The following SEMA3A variants were observed in gnomAD, a reference collection of about 807,000 sequenced individuals.
The protein encoded by SEMA3A is semaphorin 3A.
SEMA3A carries 29 observed loss-of-function variants against 97.9 expected under a neutral mutation model. The ratio of observed to expected loss-of-function variants is 0.30; its 90% CI spans 0.22 to 0.40. The LOEUF is 0.40. Among genes scored for constraint, SEMA3A ranks in the 10% least tolerant of loss-of-function variants. The probability of loss-of-function intolerance (pLI) is 1.00; values close to 1 mark genes in which losing one functional copy is unlikely to be tolerated. For synonymous variants in SEMA3A, 321 were observed against 323.7 expected, an observed-to-expected ratio of 0.99 and a Z score of 0.09; for missense variants, 763 against 951.3, an observed-to-expected ratio of 0.80 and a Z score of 2.60.
At chr7:84,013,676 G>A (rs1422585407) in intron 7 of SEMA3A, among the ~76,000 whole-genome samples, 6 of 151,914 alleles carry the variant, frequency 3.9e-5, no homozygotes, top group Non-Finnish European at 5.9e-5. Flanking sequence ...ATGAAACCCC[G>A]TCTCTACTAA....
At chr7:84,469,939 A>G (rs1379821206) in intron 1 of SEMA3A, among the ~76,000 whole-genome samples, 1 of 151,828 alleles carries the variant, frequency 6.6e-6, no homozygotes, top group Non-Finnish European at 1.5e-5. Flanking sequence ...AACACTTAAT[A>G]AAATATGAAA....
At chr7:84,288,250 T>A (rs1705066137) in intron 3 of SEMA3A, among the ~76,000 whole-genome samples, 1 of 152,182 alleles carries the variant, frequency 6.6e-6, no homozygotes, top group African/African-American at 2.4e-5. Flanking sequence ...CATGCCCAGC[T>A]AATCTTTAAA....
chr7:84,201,637 G>A (rs1798360790), intron 3 of SEMA3A, among the ~76,000 whole-genome samples: 1 of 151,940 alleles, frequency 6.6e-6, no homozygotes, highest in Admixed American at 6.6e-5. Context: ...TTTTATTATT[G>A]ACAATAATGT....
At chr7:84,327,346 A>C in intron 2 of SEMA3A, among the ~76,000 whole-genome samples, 1 of 151,836 alleles carries the variant, frequency 6.6e-6, no homozygotes, top group East Asian at 1.9e-4. Flanking sequence ...ATGTAAAATA[A>C]AGTAGTCATG....
At chr7:84,024,678 C>T (rs67536627) in intron 6 of SEMA3A, among the ~76,000 whole-genome samples, 14,970 of 152,244 alleles carry the variant, frequency 0.098, 1,055 homozygotes, top group African/African-American at 0.19. Flanking sequence ...ATACATCTAT[C>T]TATCTGCCAA....
At chr7:84,343,204 G>A (rs1802215537) in intron 2 of SEMA3A, among the ~76,000 whole-genome samples, 1 of 152,096 alleles carries the variant, frequency 6.6e-6, no homozygotes, top group Non-Finnish European at 1.5e-5. Context: ...TGACCATCAG[G>A]TTATAATTAC....
At chr7:84,279,638 T>C (rs1455254405) in intron 3 of SEMA3A, among the ~76,000 whole-genome samples, 1 of 152,200 alleles carries the variant, frequency 6.6e-6, no homozygotes, top group Non-Finnish European at 1.5e-5. Flanking sequence ...TTCGTTTTAC[T>C]ACTGCAATTT....
intron 4 of SEMA3A, among the ~76,000 whole-genome samples, chr7:84,062,683 C>T (rs1793283829): frequency 6.6e-6 from 1 of 152,234 alleles, no homozygotes; most frequent in South Asian, 2.1e-4. Context: ...AATCCGGTCA[C>T]TCCCACCCGA....
chr7:84,430,592 G>A (rs756231074), intron 1 of SEMA3A, among the ~76,000 whole-genome samples: 1 of 151,900 alleles, frequency 6.6e-6, no homozygotes, highest in Non-Finnish European at 1.5e-5. Flanking sequence ...TGAAAAATAG[G>A]TAAAAATTGT....
In SEMA3A at chr7:83,990,876, G is replaced by T. The variant is rs752399237; in HGVS notation, c.1453-5399C>A. Among the ~76,000 whole-genome samples the T allele has an allele frequency of 1.4e-3, 217 of 151,722 alleles. No individual in the cohort carries two copies. The Middle Eastern group carries it at 0.024, about 17-fold the overall frequency. On this transcript the variant is annotated intron_variant, in intron 12 of 16. Coordinates refer to ENST00000265362, the MANE Select transcript of SEMA3A (RefSeq NM_006080.3). ...TGAAGAAAGGCATTGGTAGCTTGATGGGGATGGCATTGAATCTGTAAATTA... is the reference window on the plus strand; with the variant it reads ...TGAAGAAAGGCATTGGTAGCTTGATTGGGATGGCATTGAATCTGTAAATTA...
At chr7:84,146,053 T>C (rs1040995626) in intron 1 of SEMA3A, among the ~76,000 whole-genome samples, 5 of 152,214 alleles carry the variant, frequency 3.3e-5, no homozygotes, top group Non-Finnish European at 5.9e-5. Context: ...AGTTAGAAGC[T>C]ATCTCTCCCA....
chr7:84,402,480 A>G lies in SEMA3A; in HGVS notation c.-245-30580T>C, dbSNP rs142704940. Among the ~76,000 whole-genome samples the G allele has an allele frequency of 1.4e-4, 21 of 152,296 alleles. No homozygotes were observed. In the East Asian group the frequency reaches 4.1e-3, roughly 29 times the overall value. Reference sequence around the variant, plus strand: ...AATTAGAACTACCATATAATTCATGAATCCCCCAGCTGGGTATGTATCCCA... The same window carrying G: ...AATTAGAACTACCATATAATTCATGGATCCCCCAGCTGGGTATGTATCCCA... On this transcript the variant is annotated intron_variant, in intron 1 of 3. Transcript: ENST00000424555.
chr7:84,111,640 A>T (rs1014295332), intron 3 of SEMA3A, among the ~76,000 whole-genome samples: 1 of 152,174 alleles, frequency 6.6e-6, no homozygotes, highest in East Asian at 1.9e-4. Context: ...TGGCCTATTT[A>T]AAATAAAATG....
At chr7:84,198,855 T>G, upstream of SEMA3A, among the ~76,000 whole-genome samples, 1 of 152,188 alleles carries the variant, frequency 6.6e-6, no homozygotes, top group Non-Finnish European at 1.5e-5. Context: ...GTGCTTGATT[T>G]TCTAGAGGAT....
intron 1 of SEMA3A, among the ~76,000 whole-genome samples, chr7:84,482,991 A>G (rs970328699): frequency 5.3e-5 from 8 of 151,588 alleles, no homozygotes; most frequent in African/African-American, 1.7e-4. Context: ...TTGTAGGTGT[A>G]GTTTTTAAAG....
intron 1 of SEMA3A, among the ~76,000 whole-genome samples, chr7:84,398,371 C>T (rs1282324187): frequency 2.6e-5 from 4 of 152,112 alleles, no homozygotes; most frequent in East Asian, 3.9e-4. Flanking sequence ...TATTGTAGCA[C>T]GTGACATTCA....
chr7:84,073,181 G>T (rs1793805935), intron 4 of SEMA3A, among the ~76,000 whole-genome samples: 1 of 152,068 alleles, frequency 6.6e-6, no homozygotes, highest in Admixed American at 6.6e-5. Context: ...TGAGTACAGT[G>T]AATGTTCTGT....
intron 12 of SEMA3A, among the ~76,000 whole-genome samples, chr7:83,987,615 C>G (rs1223483658): frequency 6.6e-6 from 1 of 152,134 alleles, no homozygotes; most frequent in Non-Finnish European, 1.5e-5. Flanking sequence ...ATCCCTAGCA[C>G]CTGGAATTAC....
chr7:84,246,729 T>C (rs978939449), intron 3 of SEMA3A, among the ~76,000 whole-genome samples: 3 of 152,032 alleles, frequency 2.0e-5, no homozygotes, highest in Non-Finnish European at 4.4e-5. Context: ...ACAAACTATA[T>C]CATCCTAGAA....
Sources: gnomAD v4.1 joint callset for allele counts (sites outside exome capture counted in the v4.1 genomes callset) on GRCh38, gnomAD v4.1.1 for gene constraint, MANE v1.5 for transcripts, NCBI Gene and HGNC (gene_info 2026-07-23, HGNC 2026-07-21) for gene names.